ZNF704: variants seen among roughly 807,000 people sequenced by gnomAD.
ZNF704 encodes zinc finger protein 704.
ZNF704 carries 10 observed loss-of-function variants against 44.7 expected under a neutral mutation model. The ratio of observed to expected loss-of-function variants is 0.22; its 90% CI spans 0.14 to 0.38. The LOEUF (loss-of-function observed/expected upper bound fraction) is 0.38, where lower values mean the gene tolerates loss of function less well. Among genes scored for constraint, ZNF704 ranks in the 10% least tolerant of loss-of-function variants. ZNF704 has a pLI of 1.00. For missense variants in ZNF704, 390 were observed against 545.5 expected (o/e 0.71, Z 2.84); for synonymous variants, 211 against 207.6 (o/e 1.02, Z -0.14).
intron 2 of ZNF704, among the ~76,000 whole-genome samples, chr8:80,746,010 C>T (rs1361242338): frequency 1.3e-5 from 2 of 152,184 alleles, no homozygotes; most frequent in Non-Finnish European, 2.9e-5. Context: ...CAGACTTTCT[C>T]ATGATTGTTG....
chr8:80,836,914 C>A (rs1266377583), intron 1 of ZNF704, among the ~76,000 whole-genome samples: 1 of 152,166 alleles, frequency 6.6e-6, no homozygotes, highest in Admixed American at 6.5e-5. Context: ...CAAGCTGCTC[C>A]ACCAGAATAT....
intron 2 of ZNF704, among the ~76,000 whole-genome samples, chr8:80,770,979 C>A (rs1214554132): frequency 6.6e-6 from 1 of 152,068 alleles, no homozygotes; most frequent in Admixed American, 6.6e-5. Flanking sequence ...GAAAGATAAC[C>A]TTTCTTGCAC....
chr8:80,851,929 T>C (rs1337707932), intron 1 of ZNF704, among the ~76,000 whole-genome samples: 5 of 151,198 alleles, frequency 3.3e-5, no homozygotes, highest in African/African-American at 1.2e-4. Flanking sequence ...TTCCAGCTCA[T>C]CCAGGCATGA....
chr8:80,675,861 G>C (rs1563514857), intron 4 of ZNF704, among the ~76,000 whole-genome samples: 1 of 152,116 alleles, frequency 6.6e-6, no homozygotes, highest in Non-Finnish European at 1.5e-5. Context: ...TATAAATTTG[G>C]GGTCAGGAGA....
At chr8:80,843,380 T>C (rs1476809434) in intron 1 of ZNF704, among the ~76,000 whole-genome samples, 4 of 152,262 alleles carry the variant, frequency 2.6e-5, no homozygotes, top group East Asian at 1.9e-4. Flanking sequence ...ATTATTACTA[T>C]GTGTTTATGA....
In ZNF704 at chr8:80,874,621, G is replaced by C. The variant is rs1450100763; in HGVS notation, c.-72C>G. On this transcript the variant is annotated 5_prime_UTR_variant, in exon 1 of 9. Coordinates refer to ENST00000327835, the MANE Select transcript of ZNF704 (RefSeq NM_001033723.3). The surrounding 1 kb of genome is among the most constrained non-coding windows in gnomAD (Gnocchi z 4.4). ...TCGAAGCAGTTGGCCCTGACACCAG[G>C]GCAAACGCTTAACCGCAGCCCATTC... The C allele has an allele frequency of 6.6e-6, 1 of 151,684 alleles. No individual in the cohort carries two copies. Among genetic ancestry groups the C allele is most frequent in the Non-Finnish European group, 1.5e-5 (1 of 67,930 alleles). The allele number at this position is 151,684 out of a possible 1,614,324, so 9.4% of individuals were successfully genotyped here.
chr8:80,770,456 C>CT (rs1807301713), intron 2 of ZNF704, among the ~76,000 whole-genome samples: 1 of 152,076 alleles, frequency 6.6e-6, no homozygotes, highest in Non-Finnish European at 1.5e-5. Flanking sequence ...TGTTGAACAT[C>CT]TTTTTGTGTG....
intron 2 of ZNF704, among the ~76,000 whole-genome samples, chr8:80,712,684 G>C (rs1819005135): frequency 6.6e-6 from 1 of 151,820 alleles, no homozygotes; most frequent in African/African-American, 2.4e-5. Flanking sequence ...TAGTATGTTG[G>C]TGTGTTTTAA....
At position 80,813,036 on chromosome 8, in the gene ZNF704, C is replaced by T. The variant is rs189361505; in HGVS notation, c.221+8338G>A. ...AAACCAATTCTGCAGAGGCAACCTA[C>T]GGCACGGGCATCACAAAAGTGGTAT... On this transcript the variant is annotated intron_variant, in intron 2 of 8. Coordinates refer to ENST00000327835, the MANE Select transcript of ZNF704 (RefSeq NM_001033723.3). 4.6e-5 allele frequency among the ~76,000 whole-genome samples: 7 copies of T among 152,292 alleles called. No homozygotes were observed. The East Asian group carries it at 7.7e-4, about 17-fold the overall frequency.
At chr8:80,814,526 T>A (rs1172692718) in intron 2 of ZNF704, among the ~76,000 whole-genome samples, 1 of 152,200 alleles carries the variant, frequency 6.6e-6, no homozygotes, top group Non-Finnish European at 1.5e-5. Flanking sequence ...TGGGAAGAGA[T>A]AAATGGATAA....
Position 80,640,882 on chromosome 8 carries a change from T to G in ZNF704, c.*484A>C. The G allele has an allele frequency of 6.5e-6, 1 of 153,642 alleles. No individual in the cohort carries two copies. The highest frequency in any genetic ancestry group is 2.0e-4 in the South Asian group (1 of 4,886). 9.5% of individuals were successfully genotyped at this position (153,642 alleles called of 1,614,324 possible). On this transcript the variant is annotated 3_prime_UTR_variant, in exon 9 of 9. Coordinates refer to ENST00000327835, the MANE Select transcript of ZNF704 (RefSeq NM_001033723.3). ...ACATATACTGCTCCAAGAAGTCAAA[T>G]GGAAGATACGGAAAAGATTATTCAC...
chr8:80,756,177 AC>A (rs1807031955), intron 2 of ZNF704, among the ~76,000 whole-genome samples: 1 of 152,018 alleles, frequency 6.6e-6, no homozygotes, highest in African/African-American at 2.4e-5. Flanking sequence ...ATGTCGCTGC[AC>A]CAGAAACCCA....
chr8:80,672,799 A>G (rs2131617439), intron 4 of ZNF704, among the ~76,000 whole-genome samples: 1 of 152,244 alleles, frequency 6.6e-6, no homozygotes, highest in East Asian at 1.9e-4. Context: ...TTGAAAAACT[A>G]TCTATTGGGT....
chr8:80,855,026 TAC>T (rs1005883397), intron 1 of ZNF704, among the ~76,000 whole-genome samples: 2 of 152,176 alleles, frequency 1.3e-5, no homozygotes, highest in African/African-American at 4.8e-5. Context: ...AAACAATCCA[TAC>T]AGTCTTTAAG....
chr8:80,693,239 T>C (rs543863471), intron 2 of ZNF704, 132 bp from the exon 3 acceptor site: 1 of 737,602 alleles, frequency 1.4e-6, no homozygotes, highest in East Asian at 2.7e-5. Context: ...GTTAGCTTTA[T>C]TTTATAGATG....
At chr8:80,847,418 TGG>T (rs1808785366) in intron 1 of ZNF704, among the ~76,000 whole-genome samples, 1 of 152,152 alleles carries the variant, frequency 6.6e-6, no homozygotes, top group South Asian at 2.1e-4. Flanking sequence ...ATTTATAGGT[TGG>T]ATGTAATTTC....
chr8:80,689,960 A>G lies in ZNF704; in HGVS notation c.326-2502T>C, dbSNP rs544830022. The stretch of plus-strand genomic sequence containing the variant: ...GGACTCTCACCCTCTTTGCAGACTC[A>G]CTTCCTGATAGAATGATCCTTTTTA... On this transcript the variant is annotated intron_variant, in intron 3 of 8. Transcript: ENST00000327835. Among the ~76,000 whole-genome samples the G allele has an allele frequency of 3.3e-3, 497 of 152,238 alleles. 6 individuals carry two copies. The highest frequency in any genetic ancestry group is 0.02 in the Middle Eastern group (6 of 294).
At position 80,718,583 on chromosome 8, in the gene ZNF704, T is replaced by G. The variant is rs1455037464; in HGVS notation, c.222-25476A>C. 3.3e-5 allele frequency among the ~76,000 whole-genome samples: 5 copies of G among 152,166 alleles called. No homozygotes were observed. In the East Asian group the frequency reaches 9.6e-4, roughly 29 times the overall value. On this transcript the variant is annotated intron_variant, in intron 2 of 8. Coordinates refer to ENST00000327835, the MANE Select transcript of ZNF704 (RefSeq NM_001033723.3). ...CCCTCTTGCACTTCTGCCATTGTTA[T>G]GAGAAGAACACGCCTGGGCTGGCTT... is the stretch of plus-strand genomic sequence containing the variant.
chr8:80,771,307 T>C (rs1342630574), intron 2 of ZNF704, among the ~76,000 whole-genome samples: 1 of 152,156 alleles, frequency 6.6e-6, no homozygotes, highest in Non-Finnish European at 1.5e-5. Context: ...TTGACTATTA[T>C]TACTATGTTG....
Sources: gnomAD v4.1 joint callset for allele counts (sites outside exome capture counted in the v4.1 genomes callset) on GRCh38, gnomAD v4.1.1 for gene constraint, Gnocchi (gnomAD v3.1) non-coding constraint, MANE v1.5 for transcripts, NCBI Gene and HGNC (gene_info 2026-07-23, HGNC 2026-07-21) for gene names.